Variants in PPP4R3B observed in about 807,000 individuals in gnomAD.
The protein encoded by PPP4R3B is serine/threonine-protein phosphatase 4 regulatory subunit 3B.
In PPP4R3B, 52 loss-of-function variants were observed where a neutral mutation model predicts 95.4. The observed-to-expected ratio is 0.54, with a 90% CI of 0.44 to 0.69. PPP4R3B has a LOEUF of 0.69. Ranked by LOEUF, PPP4R3B falls within the 30% of genes least tolerant of loss-of-function variation. The pLI is 0.00. For synonymous variants in PPP4R3B, 407 were observed against 343.9 expected, an observed-to-expected ratio of 1.18 and a Z score of -2.03; for missense variants, 1,003 against 1,005.9, an observed-to-expected ratio of 1.00 and a Z score of 0.04.
chr2:55,558,712 TA>T, intron 16 of PPP4R3B, 62 bp downstream of exon 16: 1 of 1,289,884 alleles, frequency 7.8e-7, no homozygotes, highest in Non-Finnish European at 1.0e-6. Context: ...TTTTTTTCAG[TA>T]AACATGAAAA....
chr2:55,595,948 T>C (rs1463411582), intron 4 of PPP4R3B, among the ~76,000 whole-genome samples: 1 of 152,204 alleles, frequency 6.6e-6, no homozygotes, highest in Non-Finnish European at 1.5e-5. Flanking sequence ...GAGTATAGGC[T>C]ACTGTTACAA....
At chr2:55,586,822 C>T in intron 5 of PPP4R3B, 88 bp from the exon 6 acceptor site, 1 of 681,008 alleles carries the variant, frequency 1.5e-6, no homozygotes, top group Non-Finnish European at 2.4e-6. Context: ...TGGTATTCAC[C>T]CTTCTGAAGG....
intron 6 of PPP4R3B, 27 bp from the exon 7 acceptor site, chr2:55,585,194 A>G (rs1255042968): frequency 6.7e-7 from 1 of 1,500,972 alleles, no homozygotes; most frequent in African/African-American, 1.4e-5. Context: ...TAGGTTACTT[A>G]GAGACTGTTA....
chr2:55,616,815 G>T (rs1189866279), intron 1 of PPP4R3B, among the ~76,000 whole-genome samples: 1 of 152,030 alleles, frequency 6.6e-6, no homozygotes, highest in East Asian at 1.9e-4. Flanking sequence ...AAAGGGGGAG[G>T]AAGGTGTCAG....
At chr2:55,574,136 T>C (rs1189663239) in intron 11 of PPP4R3B, among the ~76,000 whole-genome samples, 1 of 151,690 alleles carries the variant, frequency 6.6e-6, no homozygotes, top group Non-Finnish European at 1.5e-5. Flanking sequence ...CAAGCGATGC[T>C]CTCACCTGAG....
chr2:55,581,457 T>C (rs1228098507), intron 8 of PPP4R3B, 110 bp downstream of exon 8: 2 of 1,192,410 alleles, frequency 1.7e-6, no homozygotes, highest in Non-Finnish European at 1.2e-6. Flanking sequence ...CCACTGCTAC[T>C]TAAATACCAA....
At chr2:55,616,003 A>G (rs1694872827) in intron 1 of PPP4R3B, among the ~76,000 whole-genome samples, 1 of 148,282 alleles carries the variant, frequency 6.7e-6, no homozygotes, top group Non-Finnish European at 1.5e-5. Context: ...TTCACATTTA[A>G]TCTAAAATAT....
At chr2:55,601,501 C>T (rs1409084710) in intron 3 of PPP4R3B, among the ~76,000 whole-genome samples, 2 of 152,090 alleles carry the variant, frequency 1.3e-5, no homozygotes, top group Non-Finnish European at 2.9e-5. Context: ...CTGCCTCAGC[C>T]TCCCAAGTAG....
At chr2:55,566,842 A>T (rs1269480170) in intron 13 of PPP4R3B, among the ~76,000 whole-genome samples, 2 of 151,608 alleles carry the variant, frequency 1.3e-5, no homozygotes, top group African/African-American at 4.8e-5. Context: ...CCCCATACAT[A>T]AAAAAAAATT....
At position 55,598,845 on chromosome 2, in the gene PPP4R3B, G is replaced by T. The variant is rs551945172; in HGVS notation, c.492C>A (p.Leu164=). Residue 164 remains leucine, a synonymous_variant, in exon 4 of 17, where the codon CTC becomes CTA. Transcript: ENST00000616407. Reference sequence around the variant, plus strand: ...TAATATAGCCTTCATTTTCCAAGGCGAGAGCCAGCTTTTCCCTACGGATAG... The same window carrying T: ...TAATATAGCCTTCATTTTCCAAGGCTAGAGCCAGCTTTTCCCTACGGATAG... ...SSPIRREKLA[L]ALENEGYIKK... The T allele has an allele frequency of 6.2e-6, 10 of 1,614,168 alleles. No homozygotes were observed. The highest frequency in any genetic ancestry group is 4.4e-5 in the South Asian group (4 of 91,078).
chr2:55,601,292 C>T (rs1692571953), intron 3 of PPP4R3B, among the ~76,000 whole-genome samples: 2 of 152,142 alleles, frequency 1.3e-5, no homozygotes, highest in South Asian at 4.2e-4. Flanking sequence ...CTGACAAGGT[C>T]AAATGGGAGC....
chr2:55,599,875 T>C (rs1692308042), intron 3 of PPP4R3B, among the ~76,000 whole-genome samples: 1 of 152,202 alleles, frequency 6.6e-6, no homozygotes, highest in Non-Finnish European at 1.5e-5. Flanking sequence ...CTAACATTTC[T>C]CCATCTCACA....
rs565272157 is a variant in PPP4R3B at position 55,552,017 on chromosome 2, G to A, written c.2455-2011C>T. The stretch of plus-strand genomic sequence containing the variant: ...TATGCTTAGTATTACATATCATAAC[G>A]TACAAACATTTGTATTCCAAATGGT... On this transcript the variant is annotated intron_variant, in intron 16 of 16. Coordinates refer to ENST00000616407, the MANE Select transcript of PPP4R3B (RefSeq NM_001122964.3). Among the ~76,000 whole-genome samples, 199 of 152,070 alleles carry A rather than the reference G, an allele frequency of 1.3e-3. 2 individuals are homozygous for A. Among genetic ancestry groups the A allele is most frequent in the Non-Finnish European group, 2.4e-3 (163 of 68,006 alleles).
At chr2:55,561,217 C>G (rs868042174) in intron 15 of PPP4R3B, among the ~76,000 whole-genome samples, 1 of 152,108 alleles carries the variant, frequency 6.6e-6, no homozygotes, top group Non-Finnish European at 1.5e-5. Flanking sequence ...CCATGTGACA[C>G]GGGGCCTGTG....
chr2:55,606,085 A>G (rs1222079797), intron 2 of PPP4R3B, among the ~76,000 whole-genome samples: 2 of 152,138 alleles, frequency 1.3e-5, no homozygotes, highest in Non-Finnish European at 2.9e-5. Context: ...ACACCAGGGT[A>G]CCCACTCAGG....
chr2:55,591,673 T>G (rs866021134), intron 4 of PPP4R3B: 5 of 984,254 alleles, frequency 5.1e-6, no homozygotes, highest in Non-Finnish European at 6.0e-6. Context: ...TATGATTCGG[T>G]ACTTGTGAGC....
intron 16 of PPP4R3B, among the ~76,000 whole-genome samples, chr2:55,550,305 CAATT>C (rs1223333197): frequency 4.6e-5 from 7 of 152,086 alleles, no homozygotes; most frequent in African/African-American, 9.7e-5. Flanking sequence ...GTAGGGATAA[CAATT>C]AATAACATTT....
intron 3 of PPP4R3B, among the ~76,000 whole-genome samples, chr2:55,600,196 T>G (rs2627781): frequency 0.94 from 143,413 of 152,122 alleles, 68,040 homozygotes; most frequent in African/African-American, 0.98. Context: ...GGAGGCCAAG[T>G]TGGGCGGATC....
intron 16 of PPP4R3B, among the ~76,000 whole-genome samples, chr2:55,555,294 AAAAG>A (rs1472649862): frequency 1.9e-4 from 29 of 150,940 alleles, no homozygotes; most frequent in Admixed American, 3.3e-4. Context: ...AAAAAAAAAA[AAAAG>A]AAAGAAAGAA....
Sources: allele counts gnomAD v4.1 joint callset (sites outside exome capture counted in the v4.1 genomes callset), GRCh38; gene constraint gnomAD v4.1.1; transcripts MANE v1.5; gene names NCBI Gene and HGNC (gene_info 2026-07-23, HGNC 2026-07-21).